GPR149: variants seen among roughly 807,000 people sequenced by gnomAD.
GPR149 encodes the protein probable G protein-coupled receptor 149.
A neutral mutation model predicts 50.2 loss-of-function variants in GPR149; 50 were observed. The ratio of observed to expected loss-of-function variants is 1.00; its 90% CI spans 0.79 to 1.26. The LOEUF (loss-of-function observed/expected upper bound fraction) is 1.26. Ranked by LOEUF, GPR149 falls within the 50% of genes most tolerant of loss-of-function variation. The pLI, the probability that GPR149 is intolerant of heterozygous loss-of-function variation, is 0.00. For synonymous variants in GPR149, 405 were observed against 358.2 expected (o/e 1.13, Z -1.48); for missense variants, 983 against 895.4 (o/e 1.10, Z -1.25).
intron 3 of GPR149, among the ~76,000 whole-genome samples, chr3:154,382,969 T>C (rs701121): frequency 0.83 from 126,708 of 152,066 alleles, 52,813 homozygotes; most frequent in Middle Eastern, 0.91. Context: ...AGGATTAGGG[T>C]TGGGATGAGG....
intron 3 of GPR149, among the ~76,000 whole-genome samples, chr3:154,409,621 A>G (rs952210028): frequency 6.6e-6 from 1 of 152,038 alleles, no homozygotes; most frequent in Non-Finnish European, 1.5e-5. Context: ...GAACAAGCAG[A>G]AGAAAATACT....
At chr3:154,341,203 G>A (rs1713784379) in intron 3 of GPR149, among the ~76,000 whole-genome samples, 1 of 149,738 alleles carries the variant, frequency 6.7e-6, no homozygotes. Context: ...TCCCAGAGCA[G>A]GGCTCAGTTT....
chr3:154,355,042 T>G (rs1022915056), intron 3 of GPR149, among the ~76,000 whole-genome samples: 2 of 152,148 alleles, frequency 1.3e-5, no homozygotes, highest in African/African-American at 2.4e-5. Context: ...TATTTATTTA[T>G]TTAGAGTTGG....
intron 1 of GPR149, 130 bp from the exon 2 acceptor site, chr3:154,427,838 A>G: frequency 1.2e-6 from 1 of 868,190 alleles, no homozygotes; most frequent in Non-Finnish European, 1.7e-6. Flanking sequence ...GACCTCTGCT[A>G]CGGAGCTGGC....
At chr3:154,427,221 C>T (rs1327210809) in intron 2 of GPR149, among the ~76,000 whole-genome samples, 2 of 151,882 alleles carry the variant, frequency 1.3e-5, no homozygotes, top group Admixed American at 1.3e-4. Context: ...CATCTAAGTG[C>T]CTTTGTTGAC....
intron 3 of GPR149, among the ~76,000 whole-genome samples, chr3:154,357,586 T>C (rs565590414): frequency 8.6e-4 from 131 of 152,118 alleles, no homozygotes; most frequent in African/African-American, 2.8e-3. Context: ...AAAACCACAA[T>C]GAGATACCAT....
Position 154,427,518 on chromosome 3 carries a change from T to G in GPR149, c.1172A>C (p.Lys391Thr). ...NAYAVASDGK[K>T]IKRKGFEFNL... ...TCACTGCAGTGTTGAGGACTTACTT[T>G]TTTTCCCATCGGACGCCACTGCATA... The change falls in exon 2 of 4, where the codon AAA (lysine) becomes ACA (threonine). Residue 391 changes from lysine to threonine, a missense_variant and splice_region_variant. Lys to Thr is a moderately conservative substitution (Grantham distance 78, BLOSUM62 -1). Coordinates refer to ENST00000389740, the MANE Select transcript of GPR149 (RefSeq NM_001038705.3). 1 of 1,605,004 alleles carries G rather than the reference T, an allele frequency of 6.2e-7. No homozygotes were observed. Among genetic ancestry groups the G allele is most frequent in the Non-Finnish European group, 8.5e-7 (1 of 1,176,420 alleles).
chr3:154,429,476 G>A lies in GPR149; in HGVS notation c.140C>T (p.Ala47Val), dbSNP rs1335984333. 3.1e-6 allele frequency: 5 copies of A among 1,614,030 alleles called. No homozygotes were observed. In the African/African-American group the frequency reaches 6.7e-5, roughly 22 times the overall value. ...TAGTGAATAAATGCTGCCCACCAAG[G>A]CTGCAAAAGTCATGAGACATGTCAA... is the stretch of plus-strand genomic sequence containing the variant. The part of the protein sequence containing the change: ...FCLTCLMTFA[A>V]LVGSIYSLIS... The change falls in exon 1 of 4, where the codon GCC (alanine) becomes GTC (valine). Residue 47 changes from alanine (A) to valine (V), a missense_variant. By Grantham distance (64) the Ala-to-Val change is moderately conservative. Coordinates refer to ENST00000389740, the MANE Select transcript of GPR149 (RefSeq NM_001038705.3).
chr3:154,351,837 A>T (rs922655451), intron 3 of GPR149, among the ~76,000 whole-genome samples: 1 of 152,206 alleles, frequency 6.6e-6, no homozygotes, highest in African/African-American at 2.4e-5. Context: ...TCAAAATCCA[A>T]TTTTATAGCT....
At chr3:154,426,289 T>C (rs1230196073) in intron 2 of GPR149, among the ~76,000 whole-genome samples, 3 of 152,156 alleles carry the variant, frequency 2.0e-5, no homozygotes, top group Admixed American at 1.3e-4. Flanking sequence ...ATTTGAAAAA[T>C]ATCTAGACAT....
rs552899586 is a variant in GPR149 at position 154,395,469 on chromosome 3, T to A, written c.1623+25570A>T. 5.4e-3 allele frequency among the ~76,000 whole-genome samples: 805 copies of A among 148,846 alleles called. 3 individuals are homozygous for A. Among genetic ancestry groups the A allele is most frequent in the Middle Eastern group, 0.014 (4 of 280 alleles). On this transcript the variant is annotated intron_variant, in intron 3 of 3. Transcript: ENST00000389740. ...ATATAAGTATATATATATATAATTTTAAAAATAGTAGGAAAGCAGGAAATC... is the reference window on the plus strand; with the variant it reads ...ATATAAGTATATATATATATAATTTAAAAAATAGTAGGAAAGCAGGAAATC...
intron 3 of GPR149, among the ~76,000 whole-genome samples, chr3:154,378,537 G>A (rs1714848450): frequency 6.6e-6 from 1 of 152,126 alleles, no homozygotes; most frequent in Non-Finnish European, 1.5e-5. Context: ...TTGGTAGAAT[G>A]CTAGGAGTGG....
intron 1 of GPR149, 74 bp downstream of exon 1, chr3:154,428,561 G>A (rs1299231224): frequency 6.7e-7 from 1 of 1,498,320 alleles, no homozygotes; most frequent in African/African-American, 1.4e-5. Flanking sequence ...CCCCAAACCG[G>A]CGACGCCGGT....
At chr3:154,389,480 C>T (rs1715115978) in intron 3 of GPR149, among the ~76,000 whole-genome samples, 1 of 151,948 alleles carries the variant, frequency 6.6e-6, no homozygotes, top group African/African-American at 2.4e-5. Flanking sequence ...TTTTTGGAGG[C>T]CACCTGAGAT....
intron 3 of GPR149, among the ~76,000 whole-genome samples, chr3:154,413,689 C>T (rs369726678): frequency 6.6e-6 from 1 of 151,322 alleles, no homozygotes; most frequent in South Asian, 2.1e-4. Flanking sequence ...AAAGGGAACA[C>T]TTTTACACTG....
chr3:154,354,384 T>C (rs368489034), intron 3 of GPR149: 2 of 207,586 alleles, frequency 9.6e-6, no homozygotes. Context: ...GGGTAGATTC[T>C]GCTTTCTAAG....
intron 2 of GPR149, among the ~76,000 whole-genome samples, chr3:154,425,835 TA>T (rs1473503269): frequency 6.6e-6 from 1 of 152,182 alleles, no homozygotes; most frequent in Non-Finnish European, 1.5e-5. Flanking sequence ...GTACAGAAAG[TA>T]GAATATTTCA....
intron 3 of GPR149, among the ~76,000 whole-genome samples, chr3:154,349,420 G>C (rs957690743): frequency 6.6e-6 from 1 of 152,184 alleles, no homozygotes; most frequent in Non-Finnish European, 1.5e-5. Context: ...TATCACTGCA[G>C]AGTCTGCAGC....
chr3:154,425,828 C>A (rs1223280749), intron 2 of GPR149, among the ~76,000 whole-genome samples: 2 of 152,138 alleles, frequency 1.3e-5, no homozygotes, highest in African/African-American at 4.8e-5. Context: ...CTGTGCAGTA[C>A]AGAAAGTAGA....
Sources: gnomAD v4.1 joint callset for allele counts (sites outside exome capture counted in the v4.1 genomes callset) on GRCh38, gnomAD v4.1.1 for gene constraint, MANE v1.5 for transcripts, NCBI Gene and HGNC (gene_info 2026-07-23, HGNC 2026-07-21) for gene names.